The following ZFHX3 variants were observed in gnomAD, a reference collection of about 807,000 sequenced individuals.
ZFHX3 encodes the protein zinc finger homeobox 3, also known as zinc finger homeobox protein 3.
ZFHX3 carries 42 observed loss-of-function variants against 279.1 expected under a neutral mutation model. That is an observed-to-expected ratio of 0.15 (90% confidence interval 0.12 to 0.19). ZFHX3 has a LOEUF of 0.19. Among genes scored for constraint, ZFHX3 ranks in the 10% least tolerant of loss-of-function variants. ZFHX3 has a pLI of 1.00. For missense variants in ZFHX3, 4,981 were observed against 4,754.0 expected, an observed-to-expected ratio of 1.05 and a Z score of -1.40; for synonymous variants, 2,293 against 1,957.8, an observed-to-expected ratio of 1.17 and a Z score of -4.52.
At chr16:73,248,040 C>T in intron 5 of ZFHX3, among the ~76,000 whole-genome samples, 1 of 144,766 alleles carries the variant, frequency 6.9e-6, no homozygotes, top group African/African-American at 2.6e-5. Context: ...TGTATATGTA[C>T]CTGTATGTGG....
At chr16:73,812,752 T>G (rs1211192960) in intron 1 of ZFHX3, 1 of 152,178 alleles carries the variant, frequency 6.6e-6, no homozygotes, top group East Asian at 1.9e-4. Context: ...GTTTGATAAA[T>G]GAGTGAGTGA....
At chr16:73,873,428 G>A (rs1247076536) in intron 1 of ZFHX3, among the ~76,000 whole-genome samples, 2 of 150,666 alleles carry the variant, frequency 1.3e-5, no homozygotes, top group East Asian at 3.9e-4. Flanking sequence ...AACACAAATA[G>A]AGAAAATCCT....
chr16:73,630,765 A>G (rs1354332376), intron 2 of ZFHX3, among the ~76,000 whole-genome samples: 1 of 152,238 alleles, frequency 6.6e-6, no homozygotes, highest in African/African-American at 2.4e-5. Context: ...AGGGCAAAGC[A>G]TGGTGGTGCT....
At chr16:73,213,753 T>C (rs1792279974) in intron 5 of ZFHX3, among the ~76,000 whole-genome samples, 1 of 152,198 alleles carries the variant, frequency 6.6e-6, no homozygotes, top group Non-Finnish European at 1.5e-5. Flanking sequence ...AGTCTTGAGG[T>C]TTTGAAGTTT....
chr16:73,329,284 G>A (rs1232723378), intron 3 of ZFHX3, among the ~76,000 whole-genome samples: 1 of 152,218 alleles, frequency 6.6e-6, no homozygotes, highest in Non-Finnish European at 1.5e-5. Flanking sequence ...GAGCACGGGG[G>A]AGGGATCTCA....
intron 1 of ZFHX3, among the ~76,000 whole-genome samples, chr16:73,881,453 A>T (rs8044031): frequency 0.1 from 3,962 of 39,418 alleles, 504 homozygotes; most frequent in Middle Eastern, 0.22. Flanking sequence ...ACACACACAC[A>T]CTCTCTCTCT....
intron 1 of ZFHX3, among the ~76,000 whole-genome samples, chr16:73,053,700 C>A (rs141083635): frequency 2.8e-4 from 43 of 152,268 alleles, no homozygotes; most frequent in African/African-American, 9.6e-4. Context: ...CACAGCCACG[C>A]GACCCTCAGC....
At chr16:72,788,911 A>T in intron 9 of ZFHX3, 63 bp from the exon 10 acceptor site, 1 of 1,500,122 alleles carries the variant, frequency 6.7e-7, no homozygotes, top group African/African-American at 1.4e-5. Flanking sequence ...GAAGCTCAAG[A>T]CGTTTTACCG....
intron 4 of ZFHX3, among the ~76,000 whole-genome samples, chr16:73,272,418 C>T (rs1253167916): frequency 6.6e-6 from 1 of 152,114 alleles, no homozygotes; most frequent in Non-Finnish European, 1.5e-5. Flanking sequence ...TTGGTTAAGT[C>T]AATACATATG....
chr16:73,873,592 C>T (rs2029876534), intron 1 of ZFHX3, among the ~76,000 whole-genome samples: 1 of 152,036 alleles, frequency 6.6e-6, no homozygotes, highest in Non-Finnish European at 1.5e-5. Context: ...AACATATTTA[C>T]CTTTAACATT....
intron 1 of ZFHX3, among the ~76,000 whole-genome samples, chr16:73,696,749 C>G (rs2053201303): frequency 6.6e-6 from 1 of 152,118 alleles, no homozygotes; most frequent in Admixed American, 6.6e-5. Context: ...CACAGCAATC[C>G]CCACACAAAA....
intron 1 of ZFHX3, among the ~76,000 whole-genome samples, chr16:73,034,100 T>TAA (rs5817828): frequency 2.1e-5 from 3 of 141,710 alleles, no homozygotes; most frequent in African/African-American, 5.2e-5. Context: ...GTAACGAACT[T>TAA]AAAAAAAAAA....
chr16:73,605,699 G>T (rs1487425179), intron 2 of ZFHX3, among the ~76,000 whole-genome samples: 2 of 151,698 alleles, frequency 1.3e-5, no homozygotes, highest in Non-Finnish European at 2.9e-5. Context: ...TAGAACTGGG[G>T]GGCTGGAGAG....
At chr16:73,699,248 T>C (rs1215170033) in intron 1 of ZFHX3, among the ~76,000 whole-genome samples, 4 of 152,152 alleles carry the variant, frequency 2.6e-5, no homozygotes, top group African/African-American at 9.7e-5. Flanking sequence ...AAGCTGATAG[T>C]GGGGGTGTGT....
chr16:73,817,935 C>G (rs1960623918), intron 1 of ZFHX3, among the ~76,000 whole-genome samples: 2 of 152,144 alleles, frequency 1.3e-5, no homozygotes, highest in Non-Finnish European at 2.9e-5. Context: ...TCAACCACGG[C>G]CTGCACTAAT....
At chr16:73,599,510 T>C (rs1468685145) in intron 2 of ZFHX3, among the ~76,000 whole-genome samples, 1 of 152,230 alleles carries the variant, frequency 6.6e-6, no homozygotes, top group African/African-American at 2.4e-5. Context: ...TCCATGCCAC[T>C]GCACAGCTTG....
intron 3 of ZFHX3, among the ~76,000 whole-genome samples, chr16:73,398,190 G>C (rs1048877482): frequency 3.3e-5 from 5 of 152,178 alleles, no homozygotes; most frequent in African/African-American, 4.8e-5. Flanking sequence ...CCTGTTAGAG[G>C]TTGACATGGA....
In ZFHX3 at chr16:72,964,474, C is replaced by G. The variant is rs555309553; in HGVS notation, c.-49-4280G>C. Among the ~76,000 whole-genome samples, 19 of 152,170 alleles carry G rather than the reference C, an allele frequency of 1.2e-4. No homozygotes were observed. The South Asian group carries it at 3.9e-3, about 32-fold the overall frequency. On this transcript the variant is annotated intron_variant, in intron 1 of 9. Coordinates refer to ENST00000268489, the MANE Select transcript of ZFHX3 (RefSeq NM_006885.4). The stretch of plus-strand genomic sequence containing the variant: ...GGAGAGACTTATATTACAATTTTTA[C>G]AACTGTGAATTCTAGGGAATGAGGT...
At chr16:73,301,214 T>C (rs1382219802) in intron 4 of ZFHX3, among the ~76,000 whole-genome samples, 2 of 152,220 alleles carry the variant, frequency 1.3e-5, no homozygotes, top group Non-Finnish European at 2.9e-5. Context: ...GGCCTGGACA[T>C]AAGGACATCC....
Sources: gnomAD v4.1 joint callset for allele counts (sites outside exome capture counted in the v4.1 genomes callset) on GRCh38, gnomAD v4.1.1 for gene constraint, MANE v1.5 for transcripts, NCBI Gene and HGNC (gene_info 2026-07-23, HGNC 2026-07-21) for gene names.